SOX5: variants seen among roughly 807,000 people sequenced by gnomAD.
The protein encoded by SOX5 is transcription factor SOX-5.
A neutral mutation model predicts 92.0 loss-of-function variants in SOX5; 9 were observed. The observed-to-expected ratio is 0.10, with a 90% CI of 0.06 to 0.17. The LOEUF (loss-of-function observed/expected upper bound fraction) is 0.17, where lower values mean the gene tolerates loss of function less well. Among genes scored for constraint, SOX5 ranks in the 10% least tolerant of loss-of-function variants. The pLI, the probability that SOX5 is intolerant of heterozygous loss-of-function variation, is 1.00. For missense variants in SOX5, 642 were observed against 944.5 expected, an observed-to-expected ratio of 0.68 and a Z score of 4.20; for synonymous variants, 344 against 336.3, an observed-to-expected ratio of 1.02 and a Z score of -0.25.
At chr12:24,552,903 A>G (rs1329389945) in intron 1 of SOX5, among the ~76,000 whole-genome samples, 1 of 151,940 alleles carries the variant, frequency 6.6e-6, no homozygotes, top group Non-Finnish European at 1.5e-5. Context: ...ATGCTGGCGC[A>G]TGCCTGTGGT....
At chr12:24,547,178 A>ATTTT (rs575562827) in intron 1 of SOX5, among the ~76,000 whole-genome samples, 10 of 99,766 alleles carry the variant, frequency 1.0e-4, no homozygotes, top group East Asian at 2.5e-4. Flanking sequence ...GATATCTAAC[A>ATTTT]TTTTTTTTTT....
At chr12:23,898,024 T>TA (rs2097194768) in intron 1 of SOX5, among the ~76,000 whole-genome samples, 1 of 152,180 alleles carries the variant, frequency 6.6e-6, no homozygotes, top group Non-Finnish European at 1.5e-5. Flanking sequence ...GGCAATACCA[T>TA]ATCACACACT....
At chr12:23,908,034 C>T (rs902730617) in intron 1 of SOX5, among the ~76,000 whole-genome samples, 1 of 152,152 alleles carries the variant, frequency 6.6e-6, no homozygotes, top group Admixed American at 6.5e-5. Flanking sequence ...TCTCACATTA[C>T]TGGCTAAGTC....
rs113674999 is a variant in SOX5 at position 24,481,291 on chromosome 12, G to A, written c.-251+81038C>T. On this transcript the variant is annotated intron_variant, in intron 1 of 4. Coordinates refer to the SOX5 transcript ENST00000446891. Reference sequence around the variant, plus strand: ...AGTGGGGGTGGGGGGTTGGAAGGATGTAGGGATGGTTAATGGGTACAAGGA... The same window carrying A: ...AGTGGGGGTGGGGGGTTGGAAGGATATAGGGATGGTTAATGGGTACAAGGA... Among the ~76,000 whole-genome samples the A allele has an allele frequency of 4.0e-3, 613 of 152,270 alleles. 4 individuals carry two copies. The highest frequency in any genetic ancestry group is 0.017 in the Middle Eastern group (5 of 294).
At chr12:24,088,087 T>G (rs1436124980) in intron 4 of SOX5, among the ~76,000 whole-genome samples, 1 of 152,060 alleles carries the variant, frequency 6.6e-6, no homozygotes, top group Non-Finnish European at 1.5e-5. Context: ...TGCTATTATA[T>G]TTTAGAAATA....
intron 4 of SOX5, among the ~76,000 whole-genome samples, chr12:24,003,336 T>C (rs555896702): frequency 1.4e-5 from 2 of 147,958 alleles, no homozygotes; most frequent in Non-Finnish European, 2.9e-5. Flanking sequence ...TAAATAAAAG[T>C]CATCCATCTT....
At chr12:23,822,478 G>A (rs2142789641) in intron 3 of SOX5, among the ~76,000 whole-genome samples, 1 of 152,254 alleles carries the variant, frequency 6.6e-6, no homozygotes, top group South Asian at 2.1e-4. Flanking sequence ...ATTGCACTGT[G>A]GTCTAAGAGA....
intron 4 of SOX5, among the ~76,000 whole-genome samples, chr12:24,099,786 G>T (rs1945862601): frequency 3.9e-5 from 6 of 152,100 alleles, no homozygotes; most frequent in Admixed American, 2.6e-4. Flanking sequence ...CATAAAGTAA[G>T]AAAAGGCTTC....
At chr12:24,191,981 T>C (rs1418800510) in intron 4 of SOX5, among the ~76,000 whole-genome samples, 1 of 152,228 alleles carries the variant, frequency 6.6e-6, no homozygotes, top group African/African-American at 2.4e-5. Context: ...AAGGATTATA[T>C]GTAAAACCAA....
intron 3 of SOX5, among the ~76,000 whole-genome samples, chr12:23,842,890 C>T (rs1305009115): frequency 6.6e-6 from 1 of 152,112 alleles, no homozygotes; most frequent in Non-Finnish European, 1.5e-5. Context: ...TACAGAGCTC[C>T]TCCGCTTCAA....
chr12:23,930,421 T>C (rs1040064536), intron 1 of SOX5, among the ~76,000 whole-genome samples: 3 of 151,730 alleles, frequency 2.0e-5, no homozygotes, highest in African/African-American at 7.3e-5. Flanking sequence ...AAGAAAGCTC[T>C]GTATATATTT....
chr12:24,114,138 G>A (rs1048237517), intron 4 of SOX5, among the ~76,000 whole-genome samples: 1 of 152,108 alleles, frequency 6.6e-6, no homozygotes, highest in African/African-American at 2.4e-5. Flanking sequence ...GAGTCTGCAA[G>A]TTTATATGGG....
At chr12:23,708,810 T>C (rs987600195) in intron 6 of SOX5, among the ~76,000 whole-genome samples, 1 of 152,154 alleles carries the variant, frequency 6.6e-6, no homozygotes, top group African/African-American at 2.4e-5. Flanking sequence ...GTTAGATGAT[T>C]GGGAGACTGG....
At chr12:24,307,514 G>GTTTGTACTTC (rs1948727617) in intron 2 of SOX5, among the ~76,000 whole-genome samples, 7 of 30,136 alleles carry the variant, frequency 2.3e-4, no homozygotes, top group Non-Finnish European at 3.4e-4. Context: ...AGGAAGGAAG[G>GTTTGTACTTC]AAGGCCGGCC....
At chr12:23,966,201 T>C (rs1330827356) in intron 4 of SOX5, among the ~76,000 whole-genome samples, 1 of 37,014 alleles carries the variant, frequency 2.7e-5, no homozygotes, top group Non-Finnish European at 5.3e-5. Context: ...ACACTCAATA[T>C]CCAAAAAAAA....
intron 4 of SOX5, among the ~76,000 whole-genome samples, chr12:24,164,660 A>G (rs969907784): frequency 3.1e-4 from 47 of 152,088 alleles, no homozygotes; most frequent in Non-Finnish European, 4.7e-4. Context: ...ATTCATGACA[A>G]GAAAGTGAAA....
At chr12:24,000,197 A>C (rs1951460546) in intron 4 of SOX5, among the ~76,000 whole-genome samples, 1 of 151,472 alleles carries the variant, frequency 6.6e-6, no homozygotes. Context: ...GGAGCAAGAA[A>C]ATTAGAACAG....
chr12:24,088,607 G>A (rs994853288), intron 4 of SOX5, among the ~76,000 whole-genome samples: 8 of 151,226 alleles, frequency 5.3e-5, no homozygotes, highest in African/African-American at 1.9e-4. Flanking sequence ...TACTAGATGC[G>A]AAAGGGCTCA....
chr12:24,286,372 G>A (rs1167519175), intron 2 of SOX5, among the ~76,000 whole-genome samples: 3 of 152,042 alleles, frequency 2.0e-5, no homozygotes, highest in Non-Finnish European at 4.4e-5. Context: ...GTGCTAAATC[G>A]GGTACTATTA....
Sources: allele counts gnomAD v4.1 joint callset (sites outside exome capture counted in the v4.1 genomes callset), GRCh38; gene constraint gnomAD v4.1.1; transcripts MANE v1.5; gene names NCBI Gene and HGNC (gene_info 2026-07-23, HGNC 2026-07-21).